The following CCNJL variants were observed in gnomAD, a reference collection of about 807,000 sequenced individuals.
CCNJL encodes the protein cyclin J like.
A neutral mutation model predicts 33.4 loss-of-function variants in CCNJL; 33 were observed. The ratio of observed to expected loss-of-function variants is 0.99; its 90% CI spans 0.75 to 1.32. The LOEUF is 1.32. CCNJL is among the 40% of genes most tolerant of loss of function. The pLI is 0.00. For synonymous variants in CCNJL, 227 were observed against 220.9 expected, an observed-to-expected ratio of 1.03 and a Z score of -0.24; for missense variants, 512 against 499.7, an observed-to-expected ratio of 1.02 and a Z score of -0.23.
chr5:160,262,273 A>G (rs557658882), intron 3 of CCNJL, among the ~76,000 whole-genome samples: 2 of 152,278 alleles, frequency 1.3e-5, no homozygotes, highest in African/African-American at 4.8e-5. Flanking sequence ...GATGTGCTCA[A>G]TCAGATTAGT....
intron 1 of CCNJL, among the ~76,000 whole-genome samples, chr5:160,326,499 A>G (rs952003626): frequency 6.6e-6 from 1 of 151,594 alleles, no homozygotes; most frequent in African/African-American, 2.4e-5. Flanking sequence ...AAAAAAAAAA[A>G]AAAAAAAAAA....
chr5:160,326,221 T>A (rs1324888957), intron 1 of CCNJL, among the ~76,000 whole-genome samples: 1 of 152,038 alleles, frequency 6.6e-6, no homozygotes, highest in Non-Finnish European at 1.5e-5. Context: ...AAGCCTGTAA[T>A]CCAAACACTT....
chr5:160,316,937 G>A (rs1343554727), upstream of CCNJL, among the ~76,000 whole-genome samples: 1 of 152,174 alleles, frequency 6.6e-6, no homozygotes, highest in African/African-American at 2.4e-5. Flanking sequence ...ACAGGGTCAA[G>A]CATATAAATT....
At chr5:160,289,934 T>C (rs1239149076) in intron 2 of CCNJL, among the ~76,000 whole-genome samples, 1 of 152,180 alleles carries the variant, frequency 6.6e-6, no homozygotes, top group Non-Finnish European at 1.5e-5. Context: ...CACGGCCAGA[T>C]GTGCAGGGCA....
At chr5:160,257,877 G>A (rs1343927964) in intron 4 of CCNJL, among the ~76,000 whole-genome samples, 5 of 146,972 alleles carry the variant, frequency 3.4e-5, no homozygotes, top group Non-Finnish European at 7.5e-5. Flanking sequence ...ATGGAGTCTT[G>A]TTCTTGTTGC....
intron 1 of CCNJL, 58 bp downstream of exon 1, chr5:160,312,306 C>T (rs1056814035): frequency 1.3e-5 from 4 of 299,038 alleles, no homozygotes; most frequent in East Asian, 8.7e-5. Context: ...ACTCCTCCCC[C>T]GCCGCCCAGC....
At chr5:160,297,508 C>A (rs1217754009) in intron 2 of CCNJL, among the ~76,000 whole-genome samples, 1 of 151,986 alleles carries the variant, frequency 6.6e-6, no homozygotes, top group African/African-American at 2.4e-5. Flanking sequence ...GAAACCACTT[C>A]AGAGCCCGTC....
chr5:160,302,172 G>T (rs1473222323), intron 2 of CCNJL, among the ~76,000 whole-genome samples: 1 of 152,156 alleles, frequency 6.6e-6, no homozygotes, highest in Non-Finnish European at 1.5e-5. Context: ...TGAATAAGCA[G>T]TCCCCTAAAT....
intron 4 of CCNJL, among the ~76,000 whole-genome samples, chr5:160,256,057 T>G (rs764775656): frequency 2.0e-5 from 3 of 152,010 alleles, no homozygotes; most frequent in Non-Finnish European, 2.9e-5. Flanking sequence ...TCTGGCTAAT[T>G]TTCGTATTTT....
chr5:160,323,105 G>A (rs957750422), intron 1 of CCNJL, among the ~76,000 whole-genome samples: 3 of 151,692 alleles, frequency 2.0e-5, no homozygotes, highest in Non-Finnish European at 1.5e-5. Context: ...TGTGGTGGCA[G>A]GTGCCTGTAG....
At chr5:160,271,264 A>G (rs2113305483) in intron 3 of CCNJL, among the ~76,000 whole-genome samples, 1 of 152,232 alleles carries the variant, frequency 6.6e-6, no homozygotes, top group South Asian at 2.1e-4. Context: ...TTGGGTGGTG[A>G]GGGGTGGGCT....
At chr5:160,322,180 G>A (rs1025595657) in intron 1 of CCNJL, among the ~76,000 whole-genome samples, 4 of 152,196 alleles carry the variant, frequency 2.6e-5, no homozygotes, top group African/African-American at 9.7e-5. Flanking sequence ...TTTTACCTCT[G>A]AACACCTAAA....
intron 1 of CCNJL, among the ~76,000 whole-genome samples, chr5:160,324,686 A>G (rs1763513918): frequency 6.6e-6 from 1 of 151,610 alleles, no homozygotes; most frequent in Non-Finnish European, 1.5e-5. Flanking sequence ...CAAATTGATT[A>G]TGAAATTGAA....
intron 4 of CCNJL, among the ~76,000 whole-genome samples, chr5:160,256,930 A>G (rs569062112): frequency 1.3e-5 from 2 of 151,148 alleles, no homozygotes; most frequent in South Asian, 4.2e-4. Flanking sequence ...AAAAAAAAAA[A>G]TTTTTTTTCA....
rs1561771745 is a variant in CCNJL at position 160,258,591 on chromosome 5, A to G, written c.583+878T>C. On this transcript the variant is annotated intron_variant, in intron 4 of 5. Coordinates refer to ENST00000257536, the MANE Select transcript of CCNJL (RefSeq NM_001308173.3). ...GAGCAGAATGGGCAAAGAGGTAATC[A>G]TGTAGTTGAAGTCTGTGGATGCAGC... The G allele has an allele frequency of 1.2e-5, 17 of 1,424,274 alleles. No individual in the cohort carries two copies. The South Asian group carries it at 1.3e-4, about 11-fold the overall frequency. 88.2% of individuals were successfully genotyped at this position (1,424,274 alleles called of 1,614,324 possible).
Position 160,308,033 on chromosome 5 carries a change from TC to T in CCNJL, c.66+3824del, listed in dbSNP as rs569725028. 3.0e-4 allele frequency among the ~76,000 whole-genome samples: 45 copies of T among 152,260 alleles called. No individual in the cohort carries two copies. The South Asian group carries it at 9.3e-3, about 32-fold the overall frequency. ...TGGTGAACTAGTCCCTTTCCTGACT[TC>T]AACACCATCATAGGACCAATGGTCC... On this transcript the variant is annotated intron_variant, in intron 2 of 5. Coordinates refer to ENST00000257536, the MANE Select transcript of CCNJL (RefSeq NM_001308173.3).
At chr5:160,281,758 C>A (rs1462990307) in intron 2 of CCNJL, among the ~76,000 whole-genome samples, 1 of 152,150 alleles carries the variant, frequency 6.6e-6, no homozygotes, top group African/African-American at 2.4e-5. Context: ...TCAAGCAATC[C>A]TCCCACCTTG....
intron 2 of CCNJL, among the ~76,000 whole-genome samples, chr5:160,302,019 C>T (rs770775328): frequency 2.6e-5 from 4 of 152,290 alleles, no homozygotes; most frequent in African/African-American, 7.2e-5. Context: ...CATGAGCCAC[C>T]GTGCCTGGCC....
intron 3 of CCNJL, among the ~76,000 whole-genome samples, chr5:160,266,775 A>G (rs893905766): frequency 2.6e-5 from 4 of 152,166 alleles, no homozygotes; most frequent in Non-Finnish European, 5.9e-5. Flanking sequence ...GGTTCTGAAA[A>G]AGGGGCTGAA....
Sources: gnomAD v4.1 joint callset for allele counts (sites outside exome capture counted in the v4.1 genomes callset) on GRCh38, gnomAD v4.1.1 for gene constraint, MANE v1.5 for transcripts, NCBI Gene and HGNC (gene_info 2026-07-23, HGNC 2026-07-21) for gene names.